The following CSGALNACT1 variants were observed in gnomAD, a reference collection of about 807,000 sequenced individuals.
CSGALNACT1 encodes the protein beta4GalNAcT-1.
CSGALNACT1 carries 52 observed loss-of-function variants against 51.0 expected under a neutral mutation model. That is an observed-to-expected ratio of 1.02 (90% confidence interval 0.82 to 1.29). The LOEUF is 1.29. CSGALNACT1 is among the 50% of genes most tolerant of loss of function. The pLI is 0.00. For missense variants in CSGALNACT1, 935 were observed against 679.2 expected (o/e 1.38, Z -4.19); for synonymous variants, 341 against 254.4 (o/e 1.34, Z -3.24).
chr8:19,731,009 C>T (rs2154245537), intron 1 of CSGALNACT1, among the ~76,000 whole-genome samples: 2 of 152,258 alleles, frequency 1.3e-5, no homozygotes, highest in Middle Eastern at 3.4e-3. Context: ...GAGAATTAAC[C>T]AGGACAGGGA....
At chr8:19,483,669 C>T (rs915522888) in intron 4 of CSGALNACT1, among the ~76,000 whole-genome samples, 1 of 152,204 alleles carries the variant, frequency 6.6e-6, no homozygotes, top group Non-Finnish European at 1.5e-5. Context: ...TATGTAATCT[C>T]TGTAATCTAA....
At chr8:19,451,083 T>C (rs971770948) in intron 5 of CSGALNACT1, among the ~76,000 whole-genome samples, 6 of 152,228 alleles carry the variant, frequency 3.9e-5, no homozygotes, top group African/African-American at 7.2e-5. Context: ...TTTAGCATCA[T>C]GATTTCTTGT....
intron 3 of CSGALNACT1, among the ~76,000 whole-genome samples, chr8:19,577,747 G>A (rs187348440): frequency 1.2e-4 from 19 of 152,138 alleles, no homozygotes; most frequent in African/African-American, 4.6e-4. Flanking sequence ...CTGCTTTCCA[G>A]CCGTCTGACT....
At chr8:19,481,840 G>T (rs1423254239) in intron 4 of CSGALNACT1, among the ~76,000 whole-genome samples, 2 of 152,120 alleles carry the variant, frequency 1.3e-5, no homozygotes, top group African/African-American at 4.8e-5. Flanking sequence ...TATGTGCAAA[G>T]CTAAAACTTA....
intron 1 of CSGALNACT1, among the ~76,000 whole-genome samples, chr8:19,656,849 C>CCT (rs1423590714): frequency 1.3e-3 from 202 of 152,140 alleles, no homozygotes; most frequent in African/African-American, 4.6e-3. Flanking sequence ...GCGTGGATCA[C>CCT]AAGGTCAGGA....
chr8:19,691,489 T>C (rs780471098), intron 1 of CSGALNACT1, among the ~76,000 whole-genome samples: 7 of 151,986 alleles, frequency 4.6e-5, no homozygotes, highest in Non-Finnish European at 8.8e-5. Context: ...CTTAAGAAAA[T>C]CACTAGGCCT....
At chr8:19,546,354 A>G (rs1461094556) in intron 3 of CSGALNACT1, among the ~76,000 whole-genome samples, 2 of 152,166 alleles carry the variant, frequency 1.3e-5, no homozygotes, top group African/African-American at 4.8e-5. Flanking sequence ...TGGCAACACA[A>G]TACCCATCTG....
At chr8:19,463,909 C>G (rs1431652039) in intron 4 of CSGALNACT1, among the ~76,000 whole-genome samples, 3 of 152,268 alleles carry the variant, frequency 2.0e-5, no homozygotes, top group African/African-American at 7.2e-5. Context: ...TCTATTCACA[C>G]AAATGTCTAT....
intron 3 of CSGALNACT1, among the ~76,000 whole-genome samples, chr8:19,572,872 T>A (rs2043319319): frequency 1.3e-5 from 2 of 152,204 alleles, no homozygotes. Context: ...AGATAAATAA[T>A]CCGTAATGAG....
chr8:19,518,179 G>T (rs920151105), intron 3 of CSGALNACT1, among the ~76,000 whole-genome samples: 1 of 152,178 alleles, frequency 6.6e-6, no homozygotes, highest in Admixed American at 6.5e-5. Context: ...TAGGCAAATA[G>T]TAAGGGTATG....
chr8:19,667,059 G>C (rs1344556188), intron 1 of CSGALNACT1, among the ~76,000 whole-genome samples: 1 of 117,894 alleles, frequency 8.5e-6, no homozygotes, highest in African/African-American at 3.2e-5. Context: ...AAGAAAGAAA[G>C]AAAGAAAGAA....
intron 4 of CSGALNACT1, among the ~76,000 whole-genome samples, chr8:19,488,393 A>G (rs866967848): frequency 1.0e-5 from 1 of 95,852 alleles, no homozygotes. Flanking sequence ...ATATATATAT[A>G]TATATATATA....
At chr8:19,553,646 T>TA (rs2088870553) in intron 3 of CSGALNACT1, among the ~76,000 whole-genome samples, 3 of 144,052 alleles carry the variant, frequency 2.1e-5, no homozygotes, top group African/African-American at 7.7e-5. Context: ...TATAAAAAAA[T>TA]ATGTCAGCCT....
intron 1 of CSGALNACT1, among the ~76,000 whole-genome samples, chr8:19,724,682 T>C (rs1286008328): frequency 6.6e-6 from 1 of 152,194 alleles, no homozygotes; most frequent in Non-Finnish European, 1.5e-5. Context: ...AGCTAATACA[T>C]AAGGATTCAC....
intron 1 of CSGALNACT1, among the ~76,000 whole-genome samples, chr8:19,673,585 C>A (rs565438494): frequency 6.6e-6 from 1 of 152,138 alleles, no homozygotes; most frequent in Non-Finnish European, 1.5e-5. Flanking sequence ...TCTTTAATTC[C>A]CATCGCTATC....
chr8:19,583,036 C>A (rs1446608903), intron 3 of CSGALNACT1, among the ~76,000 whole-genome samples: 1 of 152,132 alleles, frequency 6.6e-6, no homozygotes, highest in African/African-American at 2.4e-5. Context: ...CACATATATA[C>A]ACTGGAGAAA....
intron 1 of CSGALNACT1, among the ~76,000 whole-genome samples, chr8:19,671,177 A>G (rs2059769712): frequency 6.6e-6 from 1 of 152,162 alleles, no homozygotes; most frequent in Non-Finnish European, 1.5e-5. Flanking sequence ...TGGGGAATAG[A>G]AAAGGCAAGG....
chr8:19,493,764 C>T (rs2074891605), intron 4 of CSGALNACT1, among the ~76,000 whole-genome samples: 1 of 152,064 alleles, frequency 6.6e-6, no homozygotes, highest in Admixed American at 6.6e-5. Flanking sequence ...TGGGTTGTTT[C>T]CACTTTTTGG....
At chr8:19,590,485 G>C (rs79294395) in intron 3 of CSGALNACT1, among the ~76,000 whole-genome samples, 5,009 of 152,172 alleles carry the variant, frequency 0.033, 287 homozygotes, top group African/African-American at 0.11. Context: ...CCAAGGTTGA[G>C]ACATCGCGCA....
Sources: gnomAD v4.1 joint callset for allele counts (sites outside exome capture counted in the v4.1 genomes callset) on GRCh38, gnomAD v4.1.1 for gene constraint, MANE v1.5 for transcripts, NCBI Gene and HGNC (gene_info 2026-07-23, HGNC 2026-07-21) for gene names.